Variants in TRAPPC9 observed in about 807,000 individuals in gnomAD.
TRAPPC9 encodes trafficking protein particle complex subunit 9, also known as IKK2 binding protein.
A neutral mutation model predicts 124.0 loss-of-function variants in TRAPPC9; 83 were observed. That is an observed-to-expected ratio of 0.67 (90% CI 0.56 to 0.80). The LOEUF (loss-of-function observed/expected upper bound fraction) is 0.80, where lower values mean the gene tolerates loss of function less well. Ranked by LOEUF, TRAPPC9 falls within the 30% of genes least tolerant of loss-of-function variation. The probability of loss-of-function intolerance (pLI) is 0.00; values close to 1 mark genes in which losing one functional copy is unlikely to be tolerated. For missense variants in TRAPPC9, 1,302 were observed against 1,508.3 expected, an observed-to-expected ratio of 0.86 and a Z score of 2.27; for synonymous variants, 638 against 617.5, an observed-to-expected ratio of 1.03 and a Z score of -0.49.
chr8:139,810,326 C>T (rs1335210448), intron 21 of TRAPPC9, among the ~76,000 whole-genome samples: 1 of 152,126 alleles, frequency 6.6e-6, no homozygotes, highest in South Asian at 2.1e-4. Context: ...AGCCACGGGG[C>T]ATGGGCAGGG....
At chr8:140,229,947 C>T (rs2063553062) in intron 16 of TRAPPC9, among the ~76,000 whole-genome samples, 1 of 152,182 alleles carries the variant, frequency 6.6e-6, no homozygotes, top group South Asian at 2.1e-4. Context: ...TTTAAAGTTG[C>T]AGCCCTAAAA....
intron 17 of TRAPPC9, among the ~76,000 whole-genome samples, chr8:140,064,616 G>C (rs1432714724): frequency 6.6e-6 from 1 of 152,192 alleles, no homozygotes; most frequent in Non-Finnish European, 1.5e-5. Flanking sequence ...GCATATTCCA[G>C]AGGCTTAAAT....
At chr8:139,999,794 T>C (rs1587457705) in intron 18 of TRAPPC9, among the ~76,000 whole-genome samples, 1 of 152,218 alleles carries the variant, frequency 6.6e-6, no homozygotes, top group African/African-American at 2.4e-5. Context: ...TCTGGAAATT[T>C]AATCAATGCA....
chr8:139,901,368 C>T (rs1831009234), intron 20 of TRAPPC9, among the ~76,000 whole-genome samples: 2 of 152,216 alleles, frequency 1.3e-5, no homozygotes, highest in Admixed American at 1.3e-4. Flanking sequence ...AGCCTCTTTG[C>T]CATGACTTTG....
chr8:139,955,036 A>G (rs1316454641), intron 19 of TRAPPC9, among the ~76,000 whole-genome samples: 1 of 152,226 alleles, frequency 6.6e-6, no homozygotes, highest in Non-Finnish European at 1.5e-5. Flanking sequence ...TATAAGCATA[A>G]GGATTCTGTA....
At position 139,730,762 on chromosome 8, in the gene TRAPPC9, G is replaced by T; in HGVS notation, c.*299C>A. 1 of 450,468 alleles carries T rather than the reference G, an allele frequency of 2.2e-6. No homozygotes were observed. The highest frequency in any genetic ancestry group is 4.2e-5 in the East Asian group (1 of 24,016). 27.9% of individuals were successfully genotyped at this position (450,468 alleles called of 1,614,324 possible). On this transcript the variant is annotated 3_prime_UTR_variant, in exon 23 of 23. Coordinates refer to ENST00000438773, the MANE Select transcript of TRAPPC9 (RefSeq NM_001160372.4). The stretch of plus-strand genomic sequence containing the variant: ...GCCCCAGGTCACAGAAATGGGTGCA[G>T]GGATCCTGGGACCTGGGCTGGATGG...
intron 7 of TRAPPC9, among the ~76,000 whole-genome samples, chr8:140,386,487 T>A (rs2068758305): frequency 6.6e-6 from 1 of 152,124 alleles, no homozygotes; most frequent in Non-Finnish European, 1.5e-5. Flanking sequence ...AGAAAATCAA[T>A]GTGCAAAAAT....
chr8:139,805,705 T>C (rs138369998), intron 21 of TRAPPC9, among the ~76,000 whole-genome samples: 45 of 152,090 alleles, frequency 3.0e-4, no homozygotes, highest in African/African-American at 1.1e-3. Flanking sequence ...GTAGCATGAG[T>C]GGGAGGGCTG....
chr8:140,149,481 G>A (rs1164861407), intron 17 of TRAPPC9, among the ~76,000 whole-genome samples: 1 of 152,118 alleles, frequency 6.6e-6, no homozygotes, highest in Non-Finnish European at 1.5e-5. Context: ...TTAGCCGGGT[G>A]TGGTGGCACC....
intron 7 of TRAPPC9, among the ~76,000 whole-genome samples, chr8:140,380,654 C>CAAAAA (rs563391017): frequency 2.1e-4 from 10 of 48,592 alleles, no homozygotes; most frequent in Non-Finnish European, 3.5e-4. Flanking sequence ...GACTCTGTCT[C>CAAAAA]AAAAAAAAAA....
chr8:140,456,016 G>C (rs1157413976), intron 1 of TRAPPC9, among the ~76,000 whole-genome samples: 1 of 152,158 alleles, frequency 6.6e-6, no homozygotes, highest in Non-Finnish European at 1.5e-5. Context: ...GCTGTCGGAG[G>C]GGGGAATGAG....
chr8:140,412,949 G>A (rs1025796019), intron 5 of TRAPPC9, among the ~76,000 whole-genome samples: 1 of 152,048 alleles, frequency 6.6e-6, no homozygotes, highest in Non-Finnish European at 1.5e-5. Context: ...GTCTGGGAAA[G>A]GAAAGGAAAA....
At chr8:140,203,602 G>GT (rs141585367) in intron 17 of TRAPPC9, among the ~76,000 whole-genome samples, 3,095 of 152,310 alleles carry the variant, frequency 0.02, 78 homozygotes, top group African/African-American at 0.057. Context: ...CTAGCAGGAA[G>GT]TAAGATGTGA....
intron 21 of TRAPPC9, among the ~76,000 whole-genome samples, chr8:139,738,748 G>C (rs898199596): frequency 6.6e-6 from 1 of 152,198 alleles, no homozygotes; most frequent in Non-Finnish European, 1.5e-5. Context: ...GACACACACA[G>C]AGCCCCCAAG....
At chr8:139,964,851 C>G (rs571659945) in intron 19 of TRAPPC9, among the ~76,000 whole-genome samples, 4 of 152,212 alleles carry the variant, frequency 2.6e-5, no homozygotes, top group Non-Finnish European at 5.9e-5. Flanking sequence ...GACCCCAGTG[C>G]TGCTCATACA....
chr8:139,929,510 C>A (rs1368899723), intron 19 of TRAPPC9, among the ~76,000 whole-genome samples: 1 of 149,168 alleles, frequency 6.7e-6, no homozygotes, highest in Admixed American at 6.6e-5. Flanking sequence ...CCGAGGTGGG[C>A]GGATCATGAG....
In TRAPPC9 at chr8:140,015,416, A is replaced by G. The variant is rs76843519; in HGVS notation, c.2699+8521T>C. Among the ~76,000 whole-genome samples the G allele has an allele frequency of 3.1e-3, 468 of 152,372 alleles. 10 individuals are homozygous for G. The East Asian group carries it at 0.046, about 15-fold the overall frequency. ...CAAAATGAAAAGTAATGAATTCACA[A>G]TACACCATGCATCACGTAACTTCAA... On this transcript the variant is annotated intron_variant, in intron 18 of 22. Transcript: ENST00000438773.
intron 11 of TRAPPC9, among the ~76,000 whole-genome samples, chr8:140,299,091 T>G (rs2065892395): frequency 6.6e-6 from 1 of 152,174 alleles, no homozygotes; most frequent in Admixed American, 6.5e-5. Flanking sequence ...AGGGGGCATT[T>G]GAACAGAGAC....
chr8:140,443,199 G>A lies in TRAPPC9; in HGVS notation c.585-4002C>T, dbSNP rs1185445314. Reference sequence around the variant, plus strand: ...ACCTGTAATCCCAGCACTTTGGGAGGCCAAGGCGGGCAGATCACAAAGTCA... The same window carrying A: ...ACCTGTAATCCCAGCACTTTGGGAGACCAAGGCGGGCAGATCACAAAGTCA... On this transcript the variant is annotated intron_variant, in intron 2 of 22. Coordinates refer to ENST00000438773, the MANE Select transcript of TRAPPC9 (RefSeq NM_001160372.4). Among the ~76,000 whole-genome samples the A allele has an allele frequency of 3.3e-5, 5 of 149,604 alleles. No homozygotes were observed. In the East Asian group the frequency reaches 9.9e-4, roughly 29 times the overall value.
Sources: allele counts gnomAD v4.1 joint callset (sites outside exome capture counted in the v4.1 genomes callset), GRCh38; gene constraint gnomAD v4.1.1; transcripts MANE v1.5; gene names NCBI Gene and HGNC (gene_info 2026-07-23, HGNC 2026-07-21).